The following LRRC9 variants were observed in gnomAD, a reference collection of about 807,000 sequenced individuals.
The protein encoded by LRRC9 is leucine rich repeat containing 9.
In LRRC9, 122 loss-of-function variants were observed where a neutral mutation model predicts 63.2. The observed-to-expected ratio is 1.93, with a 90% confidence interval of 1.67 to 2.24. The LOEUF is 2.24. LRRC9 is among the 30% of genes most tolerant of loss of function. The pLI is 0.00. For missense variants in LRRC9, 1,071 were observed against 627.7 expected, an observed-to-expected ratio of 1.71 and a Z score of -7.55; for synonymous variants, 366 against 213.1, an observed-to-expected ratio of 1.72 and a Z score of -6.25.
intron 17 of LRRC9, among the ~76,000 whole-genome samples, chr14:59,994,144 TC>T (rs1257683644): frequency 6.6e-6 from 1 of 151,402 alleles, no homozygotes; most frequent in Non-Finnish European, 1.5e-5. Flanking sequence ...AAACTAGAAC[TC>T]AGGATTAAGA....
chr14:59,988,479 C>G (rs370103573), intron 17 of LRRC9, among the ~76,000 whole-genome samples: 1 of 152,066 alleles, frequency 6.6e-6, no homozygotes, highest in African/African-American at 2.4e-5. Flanking sequence ...TTTTCTCATA[C>G]CAAGAATCCT....
Position 59,922,163 on chromosome 14 carries a change from G to A in LRRC9, c.-34+2280G>A, listed in dbSNP as rs1594792966. 6.6e-6 allele frequency among the ~76,000 whole-genome samples: 1 copy of A among 152,102 alleles called. No homozygotes were observed. Among genetic ancestry groups the A allele is most frequent in the South Asian group, 2.1e-4 (1 of 4,818 alleles). On this transcript the variant is annotated intron_variant, in intron 1 of 31. Coordinates refer to ENST00000445360, the Ensembl canonical transcript of LRRC9. The surrounding 1 kb of genome is among the most constrained non-coding windows in gnomAD (Gnocchi z 5.3). ...AAGTAAGTTTGAAATAACAAGTAGAGAGAAGCCAAGGAGAAAAGTTGAACC... is the reference window on the plus strand; with the variant it reads ...AAGTAAGTTTGAAATAACAAGTAGAAAGAAGCCAAGGAGAAAAGTTGAACC...
In LRRC9 at chr14:60,031,515, G is replaced by A. The variant is rs756258893; in HGVS notation, c.3922-480G>A. The stretch of plus-strand genomic sequence containing the variant: ...ATAGAGAAGGCAAATTATTTAACAT[G>A]AGAAATAGTTTTTCAGCTATATATA... On this transcript the variant is annotated intron_variant, in intron 28 of 31. Transcript: ENST00000445360. This position sits in a 1 kb window ranked among gnomAD's most constrained non-coding sequence, Gnocchi z 4.6. Among the ~76,000 whole-genome samples the A allele has an allele frequency of 7.2e-5, 11 of 152,036 alleles. No homozygotes were observed. Among genetic ancestry groups the A allele is most frequent in the Non-Finnish European group, 1.3e-4 (9 of 67,948 alleles).
At chr14:59,967,963 T>C (rs1282819807) in intron 12 of LRRC9, among the ~76,000 whole-genome samples, 1 of 152,168 alleles carries the variant, frequency 6.6e-6, no homozygotes, top group East Asian at 1.9e-4. Flanking sequence ...TTCTTGGATA[T>C]TGGTACACCA....
At chr14:59,953,011 A>T (rs2139920979) in intron 8 of LRRC9, among the ~76,000 whole-genome samples, 1 of 152,256 alleles carries the variant, frequency 6.6e-6, no homozygotes, top group South Asian at 2.1e-4. Context: ...TGGCTGCATA[A>T]TACTCCATGG....
chr14:60,008,312 T>G (rs1029984430), intron 23 of LRRC9, 98 bp downstream of exon 23: 1 of 539,448 alleles, frequency 1.9e-6, no homozygotes, highest in Non-Finnish European at 3.3e-6. Flanking sequence ...ACTAGCATTA[T>G]AGCCAAATTT....
chr14:60,065,433 A>C (rs142282424), downstream of LRRC9, among the ~76,000 whole-genome samples: 503 of 151,604 alleles, frequency 3.3e-3, 17 homozygotes, highest in East Asian at 0.057. Context: ...AGATCACCTG[A>C]GGTCAGGAGT....
rs1456213900 is a variant in LRRC9 at position 60,042,776 on chromosome 14, G to A, written c.3991-10289G>A. Among the ~76,000 whole-genome samples, 1 of 152,122 alleles carries A rather than the reference G, an allele frequency of 6.6e-6. No individual in the cohort carries two copies. The highest frequency in any genetic ancestry group is 2.4e-5 in the African/African-American group (1 of 41,422). Reference sequence around the variant, plus strand: ...ATTGTCCGACAAGCCCCAGTGAGATGAACACAGTACCTCAGTTGGAAATGC... The same window carrying A: ...ATTGTCCGACAAGCCCCAGTGAGATAAACACAGTACCTCAGTTGGAAATGC... On this transcript the variant is annotated intron_variant, in intron 29 of 31. Coordinates refer to ENST00000445360, the Ensembl canonical transcript of LRRC9. This position sits in a 1 kb window ranked among gnomAD's most constrained non-coding sequence, Gnocchi z 4.2.
intron 29 of LRRC9, among the ~76,000 whole-genome samples, chr14:60,039,034 G>T (rs1193107004): frequency 6.6e-6 from 1 of 152,152 alleles, no homozygotes; most frequent in African/African-American, 2.4e-5. Flanking sequence ...TGTAGTTTTT[G>T]TCCTTGGTTC....
At chr14:59,924,668 T>A (rs542081563) in intron 1 of LRRC9, among the ~76,000 whole-genome samples, 1 of 152,218 alleles carries the variant, frequency 6.6e-6, no homozygotes, top group Non-Finnish European at 1.5e-5. Flanking sequence ...TCAATACTTA[T>A]GACAGTTCTT....
rs1190048099 is a variant in LRRC9 at position 59,938,082 on chromosome 14, G to T, written c.544-308G>T. Reference sequence around the variant, plus strand: ...GGGGGCAATTAGCAAGAGGGGCTGTGTAGGGGAAGCAACTTATTAATGAAT... The same window carrying T: ...GGGGGCAATTAGCAAGAGGGGCTGTTTAGGGGAAGCAACTTATTAATGAAT... On this transcript the variant is annotated intron_variant, in intron 6 of 31. Coordinates refer to ENST00000445360, the Ensembl canonical transcript of LRRC9. This position sits in a 1 kb window ranked among gnomAD's most constrained non-coding sequence, Gnocchi z 4.2. Among the ~76,000 whole-genome samples, 1 of 152,134 alleles carries T rather than the reference G, an allele frequency of 6.6e-6. No individual in the cohort carries two copies. The highest frequency in any genetic ancestry group is 1.5e-5 in the Non-Finnish European group (1 of 68,004).
intron 12 of LRRC9, among the ~76,000 whole-genome samples, chr14:59,969,823 A>G (rs1885276767): frequency 6.6e-6 from 1 of 152,170 alleles, no homozygotes; most frequent in Admixed American, 6.5e-5. Context: ...ATAAACGCAA[A>G]GAGTATCACG....
chr14:59,985,264 TAGA>T lies in LRRC9; in HGVS notation c.2211+43_2211+45del, dbSNP rs1887340015. 1.0e-5 allele frequency: 6 copies of T among 590,544 alleles called. No homozygotes were observed. In the East Asian group the frequency reaches 1.7e-4, roughly 17 times the overall value. The allele number at this position is 590,544 out of a possible 1,614,324, so 36.6% of individuals were successfully genotyped here. On this transcript the variant is annotated intron_variant, in intron 17 of 31. Coordinates refer to ENST00000445360, the Ensembl canonical transcript of LRRC9. ...TTTGAATCTAAAAAAGTGAAACTCA[TAGA>T]AGCAGAAGTAGAATGGTGGTTATCA...
At chr14:59,955,393 T>C (rs1054023494) in intron 8 of LRRC9, among the ~76,000 whole-genome samples, 5 of 152,196 alleles carry the variant, frequency 3.3e-5, no homozygotes, top group African/African-American at 1.2e-4. Flanking sequence ...TGTCCAGGAA[T>C]TTTTCCATTT....
At chr14:60,061,955 A>G in intron 31 of LRRC9, 56 bp from the exon 32 acceptor site, 2 of 398,260 alleles carry the variant, frequency 5.0e-6, no homozygotes, top group Non-Finnish European at 8.9e-6. Context: ...ATGTTAATTA[A>G]TGTTTCTCAT....
chr14:60,023,486 G>T (rs1158154964), intron 27 of LRRC9, among the ~76,000 whole-genome samples: 1 of 151,830 alleles, frequency 6.6e-6, no homozygotes, highest in Non-Finnish European at 1.5e-5. Context: ...GGTGTCTATG[G>T]GCCAAGACTT....
intron 8 of LRRC9, among the ~76,000 whole-genome samples, chr14:59,948,338 T>C (rs1312339425): frequency 6.9e-6 from 1 of 144,942 alleles, no homozygotes; most frequent in African/African-American, 2.6e-5. Flanking sequence ...GGAATGCTTG[T>C]GATTTTTGTA....
In LRRC9 at chr14:59,938,904, C is replaced by CAT. The variant is rs1881352838; in HGVS notation, c.726+338_726+339dup. Among the ~76,000 whole-genome samples, 2 of 116,624 alleles carry CAT rather than the reference C, an allele frequency of 1.7e-5. No individual in the cohort carries two copies. Among genetic ancestry groups the CAT allele is most frequent in the East Asian group, 5.8e-4 (2 of 3,458 alleles). The allele number at this position is 116,624 out of a possible 152,430, so 76.5% of individuals were successfully genotyped here. On this transcript the variant is annotated intron_variant, in intron 7 of 31. Transcript: ENST00000445360. The surrounding 1 kb of genome is among the most constrained non-coding windows in gnomAD (Gnocchi z 4.2). ...ACACACATATATACACATATATATA[C>CAT]ATATATACACATATGCATATATATA... is the stretch of plus-strand genomic sequence containing the variant.
intron 24 of LRRC9, 29 bp from the exon 25 acceptor site, chr14:60,018,342 A>G (rs1241415173): frequency 1.4e-6 from 1 of 699,416 alleles, no homozygotes; most frequent in Admixed American, 2.0e-5. Context: ...TATTAAAATA[A>G]TAGCTGTATT....
Sources: allele counts gnomAD v4.1 joint callset (sites outside exome capture counted in the v4.1 genomes callset), GRCh38; gene constraint gnomAD v4.1.1; non-coding constraint Gnocchi (gnomAD v3.1); transcripts MANE v1.5; gene names NCBI Gene and HGNC (gene_info 2026-07-23, HGNC 2026-07-21).